The following DGKB variants were observed in gnomAD, a reference collection of about 807,000 sequenced individuals.
DGKB encodes diacylglycerol kinase beta.
In DGKB, 67 loss-of-function variants were observed where a neutral mutation model predicts 114.3. The ratio of observed to expected loss-of-function variants is 0.59; its 90% CI spans 0.48 to 0.72. DGKB has a LOEUF of 0.72. DGKB is among the 30% of genes least tolerant of loss of function. DGKB has a pLI of 0.00. For missense variants in DGKB, 907 were observed against 975.2 expected (o/e 0.93, Z 0.93); for synonymous variants, 398 against 323.1 (o/e 1.23, Z -2.49).
chr7:14,934,596 A>C (rs1189065898), intron 1 of DGKB, among the ~76,000 whole-genome samples: 2 of 152,188 alleles, frequency 1.3e-5, no homozygotes, highest in East Asian at 3.8e-4. Context: ...AATTTCAACA[A>C]GTAAAAGTGA....
At chr7:14,457,329 T>C (rs1019189499) in intron 21 of DGKB, among the ~76,000 whole-genome samples, 9 of 152,298 alleles carry the variant, frequency 5.9e-5, no homozygotes, top group African/African-American at 2.2e-4. Flanking sequence ...ACTGGTTTCC[T>C]TATTTTCTTA....
intron 20 of DGKB, among the ~76,000 whole-genome samples, chr7:14,520,910 T>A (rs1789664822): frequency 6.6e-6 from 1 of 152,136 alleles, no homozygotes; most frequent in South Asian, 2.1e-4. Flanking sequence ...ATGATTCTAT[T>A]GATGACCACA....
At chr7:14,708,481 A>T (rs1371733623) in intron 6 of DGKB, among the ~76,000 whole-genome samples, 2 of 148,342 alleles carry the variant, frequency 1.3e-5, no homozygotes, top group Non-Finnish European at 3.0e-5. Flanking sequence ...GTTCATATGG[A>T]ACCAAAAGAG....
chr7:14,214,671 A>G (rs1053039292), intron 23 of DGKB, among the ~76,000 whole-genome samples: 1 of 152,158 alleles, frequency 6.6e-6, no homozygotes, highest in African/African-American at 2.4e-5. Flanking sequence ...CTCCTATTAC[A>G]TAATTACAAC....
At chr7:14,750,581 T>C (rs1436474242) in intron 4 of DGKB, among the ~76,000 whole-genome samples, 1 of 152,108 alleles carries the variant, frequency 6.6e-6, no homozygotes, top group Non-Finnish European at 1.5e-5. Context: ...TCTAGTCTTC[T>C]CTTCTACCCA....
intron 23 of DGKB, among the ~76,000 whole-genome samples, chr7:14,253,357 C>T (rs1368941117): frequency 6.6e-6 from 1 of 152,082 alleles, no homozygotes. Flanking sequence ...TATGTGAGGG[C>T]AAGAGTGCTG....
chr7:14,720,850 A>T (rs1016117985), intron 5 of DGKB, among the ~76,000 whole-genome samples: 7 of 121,192 alleles, frequency 5.8e-5, no homozygotes, highest in Non-Finnish European at 1.1e-4. Flanking sequence ...CCTGAGCTTT[A>T]AAAAAAAAAA....
chr7:14,177,176 C>T (rs1009906134), intron 24 of DGKB, among the ~76,000 whole-genome samples: 4 of 152,030 alleles, frequency 2.6e-5, no homozygotes, highest in Non-Finnish European at 2.9e-5. Context: ...TTTAATGACA[C>T]GATCAGAATT....
At chr7:14,650,140 G>C (rs1325795137) in intron 13 of DGKB, among the ~76,000 whole-genome samples, 5 of 144,708 alleles carry the variant, frequency 3.5e-5, no homozygotes, top group African/African-American at 1.0e-4. Flanking sequence ...TCTGCACCAA[G>C]TGGACCTAAT....
intron 13 of DGKB, among the ~76,000 whole-genome samples, chr7:14,650,795 T>C (rs927030846): frequency 2.8e-5 from 4 of 145,050 alleles, no homozygotes; most frequent in African/African-American, 7.8e-5. Context: ...ATAGACGCAA[T>C]AAAAAATGAT....
chr7:14,431,375 T>C (rs1326194215), intron 21 of DGKB, among the ~76,000 whole-genome samples: 1 of 152,138 alleles, frequency 6.6e-6, no homozygotes, highest in Non-Finnish European at 1.5e-5. Flanking sequence ...ACAACAGACA[T>C]TTTTTCTGCT....
chr7:14,205,982 G>C (rs925197550), intron 23 of DGKB, among the ~76,000 whole-genome samples: 1 of 152,008 alleles, frequency 6.6e-6, no homozygotes, highest in African/African-American at 2.4e-5. Context: ...CTTTGGGTAA[G>C]ATCATTTCTG....
intron 20 of DGKB, among the ~76,000 whole-genome samples, chr7:14,515,260 G>C (rs1227269189): frequency 1.3e-5 from 2 of 152,118 alleles, no homozygotes; most frequent in Non-Finnish European, 2.9e-5. Flanking sequence ...ATTAGCAATT[G>C]TAGAAAAATT....
chr7:14,795,368 T>C (rs529635462), intron 2 of DGKB, among the ~76,000 whole-genome samples: 2 of 152,294 alleles, frequency 1.3e-5, no homozygotes, highest in East Asian at 3.9e-4. Context: ...CATGAGAAAG[T>C]TGAAAATACT....
At chr7:14,702,724 A>G (rs1267739716) in intron 6 of DGKB, among the ~76,000 whole-genome samples, 1 of 152,132 alleles carries the variant, frequency 6.6e-6, no homozygotes, top group Non-Finnish European at 1.5e-5. Flanking sequence ...ATTAATAAAG[A>G]TGTTGATTAC....
chr7:14,653,527 G>T (rs62443680), intron 13 of DGKB, among the ~76,000 whole-genome samples: 3,242 of 151,936 alleles, frequency 0.021, 51 homozygotes, highest in South Asian at 0.038. Context: ...AGGGGGGAGG[G>T]ATAGCATCGG....
intron 2 of DGKB, among the ~76,000 whole-genome samples, chr7:14,813,442 G>C (rs1194141887): frequency 6.6e-6 from 1 of 152,160 alleles, no homozygotes; most frequent in African/African-American, 2.4e-5. Flanking sequence ...CAGGCTAGCG[G>C]AGTGTGCCTG....
rs114854063 is a variant in DGKB at position 14,341,395 on chromosome 7, T to C, written c.1927-2685A>G. 2.2e-3 allele frequency among the ~76,000 whole-genome samples: 327 copies of C among 151,994 alleles called. 2 individuals carry two copies. The highest frequency in any genetic ancestry group is 7.5e-3 in the African/African-American group (312 of 41,548). On this transcript the variant is annotated intron_variant, in intron 22 of 25. Coordinates refer to ENST00000402815, the MANE Select transcript of DGKB (RefSeq NM_001350709.2). ...TGAAAGTAAAAGCTGAGGTGAAGGCTATGAAATATAAACAAGTTATAGTAC... is the reference window on the plus strand; with the variant it reads ...TGAAAGTAAAAGCTGAGGTGAAGGCCATGAAATATAAACAAGTTATAGTAC...
chr7:14,720,677 A>T (rs1829026149), intron 5 of DGKB, among the ~76,000 whole-genome samples: 1 of 152,062 alleles, frequency 6.6e-6, no homozygotes, highest in Admixed American at 6.6e-5. Context: ...ATTTATTTCA[A>T]ATGTGGCTTT....
Sources: allele counts gnomAD v4.1 joint callset (sites outside exome capture counted in the v4.1 genomes callset), GRCh38; gene constraint gnomAD v4.1.1; transcripts MANE v1.5; gene names NCBI Gene and HGNC (gene_info 2026-07-23, HGNC 2026-07-21).